PITPNC1: variants seen among roughly 807,000 people sequenced by gnomAD.
PITPNC1 encodes cytoplasmic phosphatidylinositol transfer protein 1.
Under a neutral mutation model 44.7 loss-of-function variants are expected in PITPNC1, and 18 were observed. That is an observed-to-expected ratio of 0.40 (90% CI 0.28 to 0.60). The LOEUF (loss-of-function observed/expected upper bound fraction) is 0.60, where lower values mean the gene tolerates loss of function less well. Among genes scored for constraint, PITPNC1 ranks in the 20% least tolerant of loss-of-function variants. The pLI is 0.39. For synonymous variants in PITPNC1, 141 were observed against 149.6 expected (o/e 0.94, Z 0.42); for missense variants, 290 against 418.4 (o/e 0.69, Z 2.68).
At chr17:67,523,328 G>C (rs908646704) in intron 1 of PITPNC1, among the ~76,000 whole-genome samples, 2 of 152,192 alleles carry the variant, frequency 1.3e-5, no homozygotes, top group African/African-American at 4.8e-5. Flanking sequence ...GTATATGGCA[G>C]ATGCCTCATT....
chr17:67,670,114 A>G (rs1226342720), intron 7 of PITPNC1, among the ~76,000 whole-genome samples: 1 of 152,098 alleles, frequency 6.6e-6, no homozygotes, highest in Non-Finnish European at 1.5e-5. Flanking sequence ...AAAATAAAAA[A>G]TACTTTTTGG....
intron 1 of PITPNC1, among the ~76,000 whole-genome samples, chr17:67,517,948 C>CT (rs974821889): frequency 1.3e-5 from 2 of 152,172 alleles, no homozygotes; most frequent in African/African-American, 4.8e-5. Context: ...TTTAAGATTA[C>CT]TTTTTCCAGC....
At chr17:67,648,546 C>T (rs959336397) in intron 6 of PITPNC1, among the ~76,000 whole-genome samples, 12 of 152,152 alleles carry the variant, frequency 7.9e-5, no homozygotes, top group African/African-American at 1.2e-4. Flanking sequence ...TATTGCCAAA[C>T]GGAACAGGTT....
chr17:67,412,430 ACCTCATC>A, intron 1 of PITPNC1, among the ~76,000 whole-genome samples: 1 of 151,918 alleles, frequency 6.6e-6, no homozygotes, highest in Admixed American at 6.6e-5. Context: ...AATCTCAAAG[ACCTCATC>A]CCTCATCCCT....
chr17:67,573,198 C>T (rs1419375369), intron 4 of PITPNC1, among the ~76,000 whole-genome samples: 1 of 152,030 alleles, frequency 6.6e-6, no homozygotes, highest in Admixed American at 6.6e-5. Context: ...TGGGGATGGC[C>T]AGTGGGCACC....
intron 1 of PITPNC1, among the ~76,000 whole-genome samples, chr17:67,473,815 C>T (rs1292656375): frequency 1.3e-5 from 2 of 152,158 alleles, no homozygotes; most frequent in Admixed American, 6.5e-5. Context: ...TGCCCATGAA[C>T]TTAACATTCC....
intron 1 of PITPNC1, among the ~76,000 whole-genome samples, chr17:67,452,797 T>C (rs1413125848): frequency 6.6e-6 from 1 of 152,242 alleles, no homozygotes; most frequent in Non-Finnish European, 1.5e-5. Flanking sequence ...CTGGGTCTTA[T>C]ATTAAACTTA....
chr17:67,672,529 G>A (rs1242652630), intron 7 of PITPNC1, among the ~76,000 whole-genome samples: 1 of 151,854 alleles, frequency 6.6e-6, no homozygotes, highest in Non-Finnish European at 1.5e-5. Context: ...AACCCAGGAA[G>A]TAGAGGTTGC....
intron 2 of PITPNC1, among the ~76,000 whole-genome samples, chr17:67,551,795 C>T (rs1443411035): frequency 6.6e-6 from 1 of 152,184 alleles, no homozygotes; most frequent in Non-Finnish European, 1.5e-5. Flanking sequence ...AGTTGCTGCT[C>T]TCTGTTGGTT....
intron 5 of PITPNC1, among the ~76,000 whole-genome samples, chr17:67,607,854 G>A (rs1030760678): frequency 2.6e-5 from 4 of 151,352 alleles, no homozygotes; most frequent in South Asian, 2.1e-4. Flanking sequence ...TCAGCTTCCC[G>A]AGTACCTGGG....
chr17:67,501,314 T>C (rs542332547), intron 1 of PITPNC1, among the ~76,000 whole-genome samples: 3 of 152,138 alleles, frequency 2.0e-5, no homozygotes, highest in Non-Finnish European at 4.4e-5. Flanking sequence ...AAAATACACT[T>C]TCATCACCTA....
intron 1 of PITPNC1, among the ~76,000 whole-genome samples, chr17:67,459,113 C>CTTTTTTTTTTT (rs886333854): frequency 1.1e-4 from 11 of 95,730 alleles, no homozygotes; most frequent in African/African-American, 3.8e-4. Context: ...TTTTCTTTTT[C>CTTTTTTTTTTT]TTTTTTTTTT....
At chr17:67,636,816 C>G (rs534257043) in intron 6 of PITPNC1, among the ~76,000 whole-genome samples, 2 of 152,274 alleles carry the variant, frequency 1.3e-5, no homozygotes, top group Admixed American at 1.3e-4. Context: ...AGAAGGCAAA[C>G]CATTTCCAAA....
chr17:67,572,578 G>T (rs1026668917), intron 4 of PITPNC1, among the ~76,000 whole-genome samples: 4 of 151,560 alleles, frequency 2.6e-5, no homozygotes, highest in Admixed American at 1.3e-4. Flanking sequence ...CCACATGGTT[G>T]GTGAGCCTGG....
At chr17:67,660,275 T>C (rs2042324461) in intron 6 of PITPNC1, among the ~76,000 whole-genome samples, 1 of 152,130 alleles carries the variant, frequency 6.6e-6, no homozygotes, top group African/African-American at 2.4e-5. Flanking sequence ...TGATATGGTA[T>C]AGGAACACAG....
chr17:67,661,994 C>CATAATAATAATAATA (rs59557224), intron 6 of PITPNC1, among the ~76,000 whole-genome samples: 2,954 of 150,906 alleles, frequency 0.02, 101 homozygotes, highest in African/African-American at 0.068. Flanking sequence ...GACTCCATCT[C>CATAATAATAATAATA]ATAATAATAA....
chr17:67,619,492 C>T (rs2041802992), intron 5 of PITPNC1, among the ~76,000 whole-genome samples: 1 of 152,160 alleles, frequency 6.6e-6, no homozygotes, highest in African/African-American at 2.4e-5. Context: ...CCCCCACAGG[C>T]ATTCTCACTC....
chr17:67,668,204 G>C (rs1012969891), intron 6 of PITPNC1, among the ~76,000 whole-genome samples: 1 of 152,028 alleles, frequency 6.6e-6, no homozygotes, highest in Non-Finnish European at 1.5e-5. Context: ...AGTTTTGCTT[G>C]TTCTTGAACT....
At chr17:67,400,946 G>C (rs550768652) in intron 1 of PITPNC1, among the ~76,000 whole-genome samples, 53 of 151,706 alleles carry the variant, frequency 3.5e-4, no homozygotes, top group African/African-American at 1.2e-3. Flanking sequence ...TTTGGAGATG[G>C]TGTCTCACTC....
Sources: gnomAD v4.1 joint callset for allele counts (sites outside exome capture counted in the v4.1 genomes callset) on GRCh38, gnomAD v4.1.1 for gene constraint, MANE v1.5 for transcripts, NCBI Gene and HGNC (gene_info 2026-07-23, HGNC 2026-07-21) for gene names.